Variants in FAM91A1 observed in about 807,000 individuals in gnomAD.
The protein encoded by FAM91A1 is family with sequence similarity 91 member A1, also known as protein FAM91A1.
In FAM91A1, 41 loss-of-function variants were observed where a neutral mutation model predicts 113.5. The ratio of observed to expected loss-of-function variants is 0.36; its 90% CI spans 0.28 to 0.47. The LOEUF (loss-of-function observed/expected upper bound fraction) is 0.47, where lower values mean the gene tolerates loss of function less well. Ranked by LOEUF, FAM91A1 falls within the 20% of genes least tolerant of loss-of-function variation. FAM91A1 has a pLI of 1.00. For missense variants in FAM91A1, 696 were observed against 1,001.2 expected, an observed-to-expected ratio of 0.70 and a Z score of 4.11; for synonymous variants, 307 against 347.9, an observed-to-expected ratio of 0.88 and a Z score of 1.31.
intron 8 of FAM91A1, among the ~76,000 whole-genome samples, chr8:123,783,603 G>T (rs1815175409): frequency 6.6e-6 from 1 of 152,120 alleles, no homozygotes; most frequent in Non-Finnish European, 1.5e-5. Context: ...GGTACAATTA[G>T]ATGATATTAG....
At position 123,813,952 on chromosome 8, in the gene FAM91A1, G is replaced by A; in HGVS notation, c.*1248G>A. Reference sequence around the variant, plus strand: ...AGTTTGGGAATGTTATAACCTAAACGTTTTTGCTGGTAACTTTTTGTTATT... The same window carrying A: ...AGTTTGGGAATGTTATAACCTAAACATTTTTGCTGGTAACTTTTTGTTATT... On this transcript the variant is annotated 3_prime_UTR_variant, in exon 24 of 24. Transcript: ENST00000334705. The A allele has an allele frequency of 4.4e-6, 1 of 226,470 alleles. No homozygotes were observed. Among genetic ancestry groups the A allele is most frequent in the South Asian group, 5.0e-5 (1 of 19,930 alleles). The allele number at this position is 226,470 out of a possible 1,614,324, so 14.0% of individuals were successfully genotyped here.
chr8:123,808,359 C>G lies in FAM91A1; in HGVS notation c.2120C>G (p.Ala707Gly), dbSNP rs1199840736. ...ATTGAGGAAGCAACTATAGATTCAG[C>G]AACAAAGCAAACCTCTGGTATGGTG... Reference protein sequence around the residue: ...MVIEEATIDSATKQTSGATTE... With the variant: ...MVIEEATIDSGTKQTSGATTE... The change falls in exon 21 of 24, where the codon GCA becomes GGA. Residue 707 changes from alanine to glycine, a missense_variant. Coordinates refer to ENST00000334705, the MANE Select transcript of FAM91A1 (RefSeq NM_144963.4). 6.2e-7 allele frequency: 1 copy of G among 1,613,240 alleles called. No individual in the cohort carries two copies. Among genetic ancestry groups the G allele is most frequent in the Admixed American group, 1.7e-5 (1 of 59,966 alleles).
intron 11 of FAM91A1, 38 bp downstream of exon 11, chr8:123,785,779 C>T (rs1815238420): frequency 1.7e-6 from 2 of 1,210,662 alleles, no homozygotes; most frequent in African/African-American, 1.6e-5. Context: ...ATTAGAGTTT[C>T]CTTTTGAAAA....
At chr8:123,769,602 A>G (rs1048285477) in intron 1 of FAM91A1, among the ~76,000 whole-genome samples, 1 of 152,196 alleles carries the variant, frequency 6.6e-6, no homozygotes, top group South Asian at 2.1e-4. Context: ...CAATTGTTTA[A>G]TAGATATTTA....
intron 15 of FAM91A1, 82 bp from the exon 16 acceptor site, chr8:123,798,003 TAAGTC>T (rs1815573630): frequency 7.0e-7 from 1 of 1,421,698 alleles, no homozygotes; most frequent in Non-Finnish European, 9.5e-7. Flanking sequence ...TTTAAAATCT[TAAGTC>T]AGTTATCAAT....
rs141609684 is a variant in FAM91A1 at position 123,799,882 on chromosome 8, T to C, written c.1806T>C (p.Ile602=). Residue 602 remains isoleucine (I), a synonymous_variant, in exon 18 of 24, where the codon ATT becomes ATC. Coordinates refer to ENST00000334705, the MANE Select transcript of FAM91A1 (RefSeq NM_144963.4). ...NDALTHSAVL[I]QGHGLHGIGE... ...CTTTAACACATTCTGCAGTTTTAAT[T>C]CAGGTACATTTATCTTATTTGAAAT... 1.5e-3 allele frequency: 2,383 copies of C among 1,580,620 alleles called. 27 individuals are homozygous for C. In the African/African-American group the frequency reaches 0.028, roughly 19 times the overall value.
In FAM91A1 at chr8:123,812,709, G is replaced by A; in HGVS notation, c.*5G>A. 6.4e-7 allele frequency: 1 copy of A among 1,560,932 alleles called. No individual in the cohort carries two copies. Among genetic ancestry groups the A allele is most frequent in the South Asian group, 1.2e-5 (1 of 81,658 alleles). On this transcript the variant is annotated 3_prime_UTR_variant, in exon 24 of 24. Transcript: ENST00000334705. ...GCTAATCTCCATTTGCAATAATTTG[G>A]TTACACCATTTGTTGCTCACACTTT...
At chr8:123,769,382 T>G (rs932811330) in intron 1 of FAM91A1, among the ~76,000 whole-genome samples, 4 of 152,202 alleles carry the variant, frequency 2.6e-5, no homozygotes, top group Non-Finnish European at 5.9e-5. Flanking sequence ...GAGTTTGGAC[T>G]GACATGTTTG....
chr8:123,786,461 A>AT, intron 11 of FAM91A1, 34 bp from the exon 12 acceptor site: 1 of 1,436,988 alleles, frequency 7.0e-7, no homozygotes, highest in Non-Finnish European at 9.8e-7. Context: ...CATTTATATG[A>AT]TTTTTAAAAA....
At position 123,785,072 on chromosome 8, in the gene FAM91A1, ATCT is replaced by A; in HGVS notation, c.811-5_811-3del. On this transcript the variant is annotated splice_polypyrimidine_tract_variant and splice_region_variant and intron_variant, in intron 9 of 23. Coordinates refer to ENST00000334705, the MANE Select transcript of FAM91A1 (RefSeq NM_144963.4). ...GAATGTAAAAATAAATTTTAATTTT[ATCT>A]TCTAGCTTGCAAATGTCCTTGAGAT... 1 of 1,578,996 alleles carries A rather than the reference ATCT, an allele frequency of 6.3e-7. No individual in the cohort carries two copies. Among genetic ancestry groups the A allele is most frequent in the Non-Finnish European group, 8.6e-7 (1 of 1,163,562 alleles).
In FAM91A1 at chr8:123,814,123, G is replaced by A; in HGVS notation, c.*1419G>A. The A allele has an allele frequency of 2.6e-6, 1 of 380,056 alleles. No individual in the cohort carries two copies. The highest frequency in any genetic ancestry group is 2.0e-5 in the South Asian group (1 of 49,198). The allele number at this position is 380,056 out of a possible 1,614,324, so 23.5% of individuals were successfully genotyped here. On this transcript the variant is annotated 3_prime_UTR_variant, in exon 24 of 24. Coordinates refer to ENST00000334705, the MANE Select transcript of FAM91A1 (RefSeq NM_144963.4). ...GTGGCACAGTCAGTGCTGTGTTTGA[G>A]GTAAATGCAGTAACGGTTAGTTTTC...
intron 8 of FAM91A1, among the ~76,000 whole-genome samples, chr8:123,784,248 G>T (rs1815196226): frequency 6.6e-6 from 1 of 152,194 alleles, no homozygotes; most frequent in Admixed American, 6.5e-5. Context: ...TGAGTTCCAT[G>T]GTGAATTAAA....
chr8:123,775,093 T>C, intron 2 of FAM91A1, 54 bp from the exon 3 acceptor site: 2 of 1,477,456 alleles, frequency 1.4e-6, no homozygotes, highest in Non-Finnish European at 1.8e-6. Flanking sequence ...TCATAGTTAA[T>C]ATATAACTAT....
intron 8 of FAM91A1, 122 bp from the exon 9 acceptor site, chr8:123,784,347 TA>T: frequency 4.7e-6 from 3 of 635,986 alleles, no homozygotes; most frequent in Non-Finnish European, 7.7e-6. Flanking sequence ...AGTGGATAAA[TA>T]AATCAAAAGC....
chr8:123,786,458 A>T (rs774306233), intron 11 of FAM91A1, 37 bp from the exon 12 acceptor site: 1 of 1,372,448 alleles, frequency 7.3e-7, no homozygotes, highest in East Asian at 2.3e-5. Flanking sequence ...GGTCATTTAT[A>T]TGATTTTTAA....
intron 23 of FAM91A1, 133 bp from the exon 24 acceptor site, chr8:123,812,386 C>A: frequency 1.5e-6 from 1 of 654,182 alleles, no homozygotes; most frequent in Non-Finnish European, 2.5e-6. Context: ...CAGTGTAGAT[C>A]TTTGCATCTC....
intron 8 of FAM91A1, 85 bp downstream of exon 8, chr8:123,780,627 A>T: frequency 9.4e-7 from 1 of 1,066,350 alleles, no homozygotes; most frequent in Non-Finnish European, 1.4e-6. Context: ...AGGATCTTAG[A>T]TGTTAGGATA....
At chr8:123,806,352 C>G in intron 20 of FAM91A1, 123 bp downstream of exon 20, 2 of 1,032,780 alleles carry the variant, frequency 1.9e-6, no homozygotes, top group Non-Finnish European at 2.7e-6. Context: ...AATATTCTTT[C>G]ACTGAAGCAC....
intron 18 of FAM91A1, among the ~76,000 whole-genome samples, chr8:123,804,359 C>A (rs1004955037): frequency 6.6e-6 from 1 of 151,400 alleles, no homozygotes; most frequent in African/African-American, 2.4e-5. Flanking sequence ...GGTGTGGTGG[C>A]GGGCGCCTGT....
Sources: gnomAD v4.1 joint callset for allele counts (sites outside exome capture counted in the v4.1 genomes callset) on GRCh38, gnomAD v4.1.1 for gene constraint, MANE v1.5 for transcripts, NCBI Gene and HGNC (gene_info 2026-07-23, HGNC 2026-07-21) for gene names.